Variants in ENKUR observed in about 807,000 individuals in gnomAD.
ENKUR encodes enkurin, TRPC channel interacting protein, also known as enkurin.
Under a neutral mutation model 27.6 loss-of-function variants are expected in ENKUR, and 19 were observed. That is an observed-to-expected ratio of 0.69 (90% confidence interval 0.48 to 1.01). The LOEUF is 1.01. ENKUR is among the 50% of genes least tolerant of loss of function. The pLI is 0.00. For missense variants in ENKUR, 312 were observed against 310.5 expected (o/e 1.00, Z -0.04); for synonymous variants, 117 against 96.9 (o/e 1.21, Z -1.22).
chr10:25,016,378 T>A (rs1454568785), upstream of ENKUR, among the ~76,000 whole-genome samples: 4 of 152,114 alleles, frequency 2.6e-5, no homozygotes, highest in South Asian at 2.1e-4. Flanking sequence ...AAAAGAAAAA[T>A]CCTAGTAGAG....
rs1372138934 is a variant in ENKUR at position 25,015,901 on chromosome 10, G to T, written c.36C>A (p.Asn12Lys). 2 of 1,608,006 alleles carry T rather than the reference G, an allele frequency of 1.2e-6. No individual in the cohort carries two copies. Among genetic ancestry groups the T allele is most frequent in the Admixed American group, 1.7e-5 (1 of 59,222 alleles). Residue 12 changes from asparagine to lysine, a missense_variant, in exon 1 of 6, where the codon AAC (asparagine) becomes AAA (lysine). By Grantham distance (94) the Asn-to-Lys change is moderately conservative (BLOSUM62 0). Coordinates refer to ENST00000331161, the MANE Select transcript of ENKUR (RefSeq NM_145010.4). ...DPTCSSECIY[N>K]LIPSDLKEPP... ...GCTCCTTCAAGTCACTGGGTATGAG[G>T]TTATAAATGCACTCAGAAGAGCACG...
intron 2 of ENKUR, among the ~76,000 whole-genome samples, chr10:25,037,596 T>C (rs1197811973): frequency 6.6e-6 from 1 of 152,180 alleles, no homozygotes; most frequent in East Asian, 1.9e-4. Context: ...ATCTGGAAAT[T>C]TGGAGAACTT....
intron 1 of ENKUR, among the ~76,000 whole-genome samples, chr10:25,011,604 A>T (rs980996938): frequency 6.6e-6 from 1 of 152,158 alleles, no homozygotes; most frequent in African/African-American, 2.4e-5. Flanking sequence ...AAAGACTTAA[A>T]CGTTAGACCT....
chr10:25,021,899 A>G (rs1406145171), intron 2 of ENKUR: 1 of 152,212 alleles, frequency 6.6e-6, no homozygotes, highest in East Asian at 1.9e-4. Flanking sequence ...TGACGGCTCT[A>G]ATTTTACTTG....
intron 2 of ENKUR, among the ~76,000 whole-genome samples, chr10:25,035,096 G>A (rs899240733): frequency 5.9e-5 from 9 of 152,114 alleles, no homozygotes; most frequent in Non-Finnish European, 1.0e-4. Flanking sequence ...CTTTGAAAAC[G>A]GTTACACATA....
intron 1 of ENKUR, among the ~76,000 whole-genome samples, chr10:25,005,677 G>A (rs932151652): frequency 6.6e-6 from 1 of 152,186 alleles, no homozygotes. Context: ...TGAAATGAGA[G>A]TGTTCAATTC....
Position 24,984,288 on chromosome 10 carries a change from G to T in ENKUR, c.*82C>A. 1 of 1,458,188 alleles carries T rather than the reference G, an allele frequency of 6.9e-7. No homozygotes were observed. The highest frequency in any genetic ancestry group is 9.4e-7 in the Non-Finnish European group (1 of 1,067,144). The allele number at this position is 1,458,188 out of a possible 1,614,324, so 90.3% of individuals were successfully genotyped here. On this transcript the variant is annotated 3_prime_UTR_variant, in exon 6 of 6. Transcript: ENST00000331161. ...TGGAGCTCAGAAACAATGTGTTGGA[G>T]ACAGTTTAGAGTAGCAAGAAGGCAC...
chr10:24,984,328 A>T lies in ENKUR; in HGVS notation c.*42T>A. On this transcript the variant is annotated 3_prime_UTR_variant, in exon 6 of 6. Coordinates refer to ENST00000331161, the MANE Select transcript of ENKUR (RefSeq NM_145010.4). ...CAAGAAGGCACGTGTTACTATTTCC[A>T]GTTCAAAATACTTAACAGTTTTCAA... 6.3e-7 allele frequency: 1 copy of T among 1,588,924 alleles called. No individual in the cohort carries two copies. The highest frequency in any genetic ancestry group is 8.6e-7 in the Non-Finnish European group (1 of 1,168,440).
At chr10:25,002,497 T>G (rs534023151) in intron 1 of ENKUR, among the ~76,000 whole-genome samples, 10 of 152,196 alleles carry the variant, frequency 6.6e-5, no homozygotes, top group Non-Finnish European at 1.2e-4. Context: ...GCTGGGGCAG[T>G]CGTAGGGCTT....
At chr10:25,040,972 T>C (rs553101599) in intron 2 of ENKUR, among the ~76,000 whole-genome samples, 1 of 152,202 alleles carries the variant, frequency 6.6e-6, no homozygotes, top group East Asian at 1.9e-4. Flanking sequence ...ATGAGTAAGA[T>C]GTGTAATGGC....
At chr10:25,057,382 C>A (rs1851272512) in intron 2 of ENKUR, among the ~76,000 whole-genome samples, 1 of 40,096 alleles carries the variant, frequency 2.5e-5, no homozygotes, top group Non-Finnish European at 4.7e-5. Flanking sequence ...CACTTTGGTA[C>A]ACACACACAC....
At chr10:25,061,241 A>G (rs1359749878) in exon 2 of ENKUR, 1 of 1,108,328 alleles carries the variant, frequency 9.0e-7, no homozygotes, top group East Asian at 2.6e-5. Context: ...GTTTGCAGCT[A>G]TATGGTTGAT....
chr10:25,060,963 C>T, intron 2 of ENKUR: 1 of 658,854 alleles, frequency 1.5e-6, no homozygotes, highest in South Asian at 2.0e-5. Context: ...ATCCTCCCAC[C>T]TCAGCCTCCC....
chr10:25,019,409 GGCTGTAGTGAGCCAAGATTGTGCCACT>G (rs1850674330), upstream of ENKUR, among the ~76,000 whole-genome samples: 1 of 152,192 alleles, frequency 6.6e-6, no homozygotes, highest in Admixed American at 6.5e-5. Context: ...AGGAAGTCAA[GGCTGTAGTGAGCCAAGATTGTGCCACT>G]GCACTCCTGC....
intron 2 of ENKUR, among the ~76,000 whole-genome samples, chr10:24,996,202 C>G (rs564162775): frequency 1.3e-5 from 2 of 152,286 alleles, no homozygotes; most frequent in East Asian, 3.9e-4. Flanking sequence ...GTGGGCAGAT[C>G]GCTTGAGCTC....
chr10:24,986,818 T>C lies in ENKUR; in HGVS notation c.595-1913A>G, dbSNP rs548288786. On this transcript the variant is annotated intron_variant, in intron 4 of 5. Coordinates refer to ENST00000331161, the MANE Select transcript of ENKUR (RefSeq NM_145010.4). ...CTACGTGCTGACTTTAAGAGGTTTT[T>C]TCATTATTTCATCTAAAAAGATACT... 3.5e-4 allele frequency among the ~76,000 whole-genome samples: 54 copies of C among 152,338 alleles called. No individual in the cohort carries two copies. The South Asian group carries it at 6.2e-3, about 18-fold the overall frequency.
At chr10:25,024,632 C>A (rs764730530) in intron 2 of ENKUR, 39 of 1,614,118 alleles carry the variant, frequency 2.4e-5, no homozygotes, top group Non-Finnish European at 3.1e-5. Context: ...TCGGCTAACT[C>A]CATAAACTGG....
intron 2 of ENKUR, among the ~76,000 whole-genome samples, chr10:25,029,970 A>G (rs1456904051): frequency 1.3e-5 from 2 of 152,232 alleles, no homozygotes; most frequent in Admixed American, 6.5e-5. Flanking sequence ...TTAAAATCAG[A>G]ACTCTTTGTT....
At chr10:25,034,103 A>G (rs1186416800) in intron 2 of ENKUR, among the ~76,000 whole-genome samples, 1 of 152,148 alleles carries the variant, frequency 6.6e-6, no homozygotes, top group Non-Finnish European at 1.5e-5. Context: ...AATTATGCAA[A>G]AAAAAATGAA....
Sources: allele counts gnomAD v4.1 joint callset (sites outside exome capture counted in the v4.1 genomes callset), GRCh38; gene constraint gnomAD v4.1.1; transcripts MANE v1.5; gene names NCBI Gene and HGNC (gene_info 2026-07-23, HGNC 2026-07-21).